The following TBL1X variants were observed in gnomAD, a reference collection of about 807,000 sequenced individuals.
The protein encoded by TBL1X is transducin beta like 1 X-linked.
Under a neutral mutation model 50.7 loss-of-function variants are expected in TBL1X, and 10 were observed. The ratio of observed to expected loss-of-function variants is 0.20; its 90% CI spans 0.12 to 0.33. TBL1X has a LOEUF of 0.33. Among genes scored for constraint, TBL1X ranks in the 10% least tolerant of loss-of-function variants. TBL1X has a pLI of 1.00. For synonymous variants in TBL1X, 190 were observed against 214.7 expected (o/e 0.88, Z 1.01); for missense variants, 340 against 504.4 (o/e 0.67, Z 3.12).
chrX:9,661,624 G>T (rs963767610), intron 5 of TBL1X, among the ~76,000 whole-genome samples: 3 of 111,872 alleles, frequency 2.7e-5, no homozygotes, highest in Non-Finnish European at 5.6e-5. Flanking sequence ...AGGAGTGCAT[G>T]GAAGAGTGAG....
chrX:9,518,315 A>G (rs1288279790), intron 2 of TBL1X, among the ~76,000 whole-genome samples: 4 of 110,930 alleles, frequency 3.6e-5, no homozygotes, highest in Non-Finnish European at 7.6e-5. Context: ...CCTCTGCAGA[A>G]CTAGCGTGTA....
At chrX:9,523,765 G>T (rs1012418654) in intron 2 of TBL1X, among the ~76,000 whole-genome samples, 1 of 111,491 alleles carries the variant, frequency 9.0e-6, no homozygotes, top group African/African-American at 3.3e-5. Flanking sequence ...TTCTGTGTGT[G>T]TGCGTGGCTC....
At chrX:9,674,967 T>G (rs971907681) in intron 5 of TBL1X, among the ~76,000 whole-genome samples, 1 of 112,051 alleles carries the variant, frequency 8.9e-6, no homozygotes, top group African/African-American at 3.2e-5. Context: ...AGTTGCTTTT[T>G]ATTAGATATA....
At chrX:9,531,679 A>G (rs1350491377) in intron 2 of TBL1X, among the ~76,000 whole-genome samples, 1 of 109,580 alleles carries the variant, frequency 9.1e-6, no homozygotes, top group Non-Finnish European at 1.9e-5. Flanking sequence ...CCGAGGCGGG[A>G]GGATCCCTTG....
intron 2 of TBL1X, among the ~76,000 whole-genome samples, chrX:9,550,965 C>G (rs916520518): frequency 9.9e-5 from 11 of 111,199 alleles, no homozygotes; most frequent in Non-Finnish European, 2.1e-4. Flanking sequence ...AGGACAGCCC[C>G]CCCCCAACCA....
At chrX:9,579,466 T>G (rs1295608361) in intron 2 of TBL1X, among the ~76,000 whole-genome samples, 2 of 112,160 alleles carry the variant, frequency 1.8e-5, no homozygotes, top group African/African-American at 6.5e-5. Flanking sequence ...GTAATTAGAT[T>G]GGCTCTCCAG....
chrX:9,631,030 C>A (rs1185682103), intron 2 of TBL1X, among the ~76,000 whole-genome samples: 1 of 111,524 alleles, frequency 9.0e-6, no homozygotes, highest in Non-Finnish European at 1.9e-5. Context: ...TAACGATATA[C>A]ATGTATTCAA....
chrX:9,678,428 G>A (rs759980844), intron 5 of TBL1X, among the ~76,000 whole-genome samples: 79 of 112,373 alleles, frequency 7.0e-4, no homozygotes, highest in Non-Finnish European at 1.4e-3. Context: ...CACACTGGCA[G>A]TGAGCCAGAC....
intron 13 of TBL1X, among the ~76,000 whole-genome samples, chrX:9,708,147 T>C (rs993196580): frequency 8.9e-6 from 1 of 111,757 alleles, no homozygotes; most frequent in South Asian, 3.7e-4. Context: ...TTCTCCTGGG[T>C]AGGCTGTTCC....
chrX:9,635,619 C>T (rs2082742609), intron 2 of TBL1X, among the ~76,000 whole-genome samples: 1 of 111,904 alleles, frequency 8.9e-6, no homozygotes, highest in Admixed American at 9.5e-5. Context: ...CTCTGGCATG[C>T]GCTTGTTGTT....
intron 2 of TBL1X, among the ~76,000 whole-genome samples, chrX:9,515,523 A>G (rs1468358390): frequency 8.9e-6 from 1 of 112,130 alleles, no homozygotes; most frequent in Admixed American, 9.5e-5. Context: ...TCAGTAGCGG[A>G]GCCAGATCAT....
Position 9,702,128 on chromosome X carries a change from G to A in TBL1X, c.1115-2865G>A, listed in dbSNP as rs777168086. 9.0e-5 allele frequency among the ~76,000 whole-genome samples: 10 copies of A among 111,329 alleles called. No homozygotes were observed. The East Asian group carries it at 1.1e-3, about 13-fold the overall frequency. On this transcript the variant is annotated intron_variant, in intron 12 of 17. Coordinates refer to ENST00000645353, the MANE Select transcript of TBL1X (RefSeq NM_005647.4). ...AAAGCTGGATTCTTCTCAGTTCAGC[G>A]CTGACTGCCTTTAAGAAACACACAT...
chrX:9,466,174 G>A (rs1405514859), intron 1 of TBL1X, among the ~76,000 whole-genome samples: 1 of 111,764 alleles, frequency 8.9e-6, no homozygotes, highest in Non-Finnish European at 1.9e-5. Flanking sequence ...GGCTCTGACG[G>A]GGCGGGTGGG....
intron 2 of TBL1X, among the ~76,000 whole-genome samples, chrX:9,594,498 C>T (rs1051298585): frequency 2.7e-5 from 3 of 112,001 alleles, no homozygotes; most frequent in African/African-American, 6.5e-5. Flanking sequence ...TGCTCCCTCC[C>T]GTCTTGGTTT....
chrX:9,708,836 C>T (rs1261986799), intron 13 of TBL1X, among the ~76,000 whole-genome samples: 7 of 111,458 alleles, frequency 6.3e-5, no homozygotes, highest in African/African-American at 2.3e-4. Context: ...CCACTGCACT[C>T]CAGCCCGGGA....
At chrX:9,467,607 T>G (rs1469149939) in intron 1 of TBL1X, among the ~76,000 whole-genome samples, 1 of 103,729 alleles carries the variant, frequency 9.6e-6, no homozygotes, top group Non-Finnish European at 2.0e-5. Flanking sequence ...ACTAAAGGCA[T>G]ATTGTAAACA....
rs189981227 is a variant in TBL1X, at chrX:9,552,478, C to T, written c.-131+50629C>T. On this transcript the variant is annotated intron_variant, in intron 2 of 17. Coordinates refer to ENST00000645353, the MANE Select transcript of TBL1X (RefSeq NM_005647.4). Reference sequence around the variant, plus strand: ...TGTATCACTCCGACTTAAACCACGACACTTCCAAGGCAGAGTCTAAAGCCT... The same window carrying T: ...TGTATCACTCCGACTTAAACCACGATACTTCCAAGGCAGAGTCTAAAGCCT... Among the ~76,000 whole-genome samples the T allele has an allele frequency of 2.7e-5, 3 of 112,029 alleles. No individual in the cohort carries two copies. In the East Asian group the frequency reaches 8.5e-4, roughly 32 times the overall value.
At chrX:9,487,512 T>G (rs1392528444) in intron 1 of TBL1X, among the ~76,000 whole-genome samples, 1 of 112,094 alleles carries the variant, frequency 8.9e-6, no homozygotes, top group Non-Finnish European at 1.9e-5. Flanking sequence ...CCCAGGTGAT[T>G]AAGGAAGGTG....
rs536022215 is a variant in TBL1X at position 9,691,174 on chromosome X, G to A, written c.617-405G>A. On this transcript the variant is annotated intron_variant, in intron 7 of 17. Transcript: ENST00000645353. ...AGGTAGGCCGGGCGTGGTGGCTCAC[G>A]CCTGTAATTCCAGCATTTTGGGAGG... 4.5e-5 allele frequency among the ~76,000 whole-genome samples: 5 copies of A among 111,735 alleles called. No individual in the cohort carries two copies. In the South Asian group the frequency reaches 1.5e-3, roughly 33 times the overall value.
Sources: allele counts gnomAD v4.1 joint callset (sites outside exome capture counted in the v4.1 genomes callset), GRCh38; gene constraint gnomAD v4.1.1; transcripts MANE v1.5; gene names NCBI Gene and HGNC (gene_info 2026-07-23, HGNC 2026-07-21).